Variants in ADGRL3 observed in about 807,000 individuals in gnomAD.
The protein encoded by ADGRL3 is adhesion G protein-coupled receptor L3.
A neutral mutation model predicts 153.5 loss-of-function variants in ADGRL3; 62 were observed. The ratio of observed to expected loss-of-function variants is 0.40; its 90% confidence interval spans 0.33 to 0.50. The LOEUF (loss-of-function observed/expected upper bound fraction) is 0.50. Ranked by LOEUF, ADGRL3 falls within the 20% of genes least tolerant of loss-of-function variation. The pLI is 0.47. For missense variants in ADGRL3, 1,641 were observed against 1,859.4 expected (o/e 0.88, Z 2.16); for synonymous variants, 710 against 672.5 (o/e 1.06, Z -0.86).
chr4:61,348,423 A>C (rs1004941264), intron 1 of ADGRL3, among the ~76,000 whole-genome samples: 1 of 152,002 alleles, frequency 6.6e-6, no homozygotes, highest in Non-Finnish European at 1.5e-5. Context: ...CAATGAGATC[A>C]CGTAATAAAT....
intron 13 of ADGRL3, among the ~76,000 whole-genome samples, chr4:61,915,140 C>A (rs1412728737): frequency 1.3e-5 from 2 of 151,406 alleles, no homozygotes; most frequent in East Asian, 3.9e-4. Context: ...TTTTAATTTG[C>A]ATTTTATTTT....
intron 9 of ADGRL3, among the ~76,000 whole-genome samples, chr4:61,873,690 C>G (rs2098458477): frequency 6.6e-6 from 1 of 152,118 alleles, no homozygotes; most frequent in African/African-American, 2.4e-5. Flanking sequence ...TGCAGTAGCC[C>G]TCTCACTGAA....
At chr4:61,749,152 G>A (rs140766850) in intron 8 of ADGRL3, among the ~76,000 whole-genome samples, 12,757 of 151,130 alleles carry the variant, frequency 0.084, 1,163 homozygotes, top group African/African-American at 0.23. Context: ...AATCAAAACC[G>A]CAATGAGATA....
intron 9 of ADGRL3, among the ~76,000 whole-genome samples, chr4:61,879,557 C>T (rs1416198219): frequency 6.6e-6 from 1 of 152,058 alleles, no homozygotes. Flanking sequence ...TTCATGTTGG[C>T]ACTTAAAAAC....
intron 1 of ADGRL3, among the ~76,000 whole-genome samples, chr4:61,328,012 TG>T (rs2095498445): frequency 6.6e-6 from 1 of 152,124 alleles, no homozygotes; most frequent in Admixed American, 6.6e-5. Context: ...TAGTGTGCAA[TG>T]GAGCATGAGT....
At chr4:61,452,146 G>C (rs928906994) in intron 2 of ADGRL3, among the ~76,000 whole-genome samples, 1 of 152,102 alleles carries the variant, frequency 6.6e-6, no homozygotes, top group African/African-American at 2.4e-5. Context: ...GATGTGATAT[G>C]CTCCAGGTTA....
chr4:61,466,340 G>A (rs1359724245), intron 2 of ADGRL3, among the ~76,000 whole-genome samples: 2 of 152,000 alleles, frequency 1.3e-5, no homozygotes, highest in Non-Finnish European at 2.9e-5. Context: ...TATTAACTCA[G>A]CATACGCTTT....
intron 17 of ADGRL3, among the ~76,000 whole-genome samples, chr4:61,960,188 T>C (rs1404892704): frequency 6.6e-6 from 1 of 152,238 alleles, no homozygotes; most frequent in Non-Finnish European, 1.5e-5. Context: ...CTTCATGCAC[T>C]TATTCAAATT....
chr4:61,560,087 C>T (rs568744354), intron 4 of ADGRL3, among the ~76,000 whole-genome samples: 17 of 152,030 alleles, frequency 1.1e-4, no homozygotes, highest in Admixed American at 2.0e-4. Flanking sequence ...CTTTTCTGAC[C>T]AGAGAGCATT....
intron 2 of ADGRL3, among the ~76,000 whole-genome samples, chr4:61,410,222 A>G (rs1276634003): frequency 6.6e-6 from 1 of 152,118 alleles, no homozygotes; most frequent in East Asian, 1.9e-4. Flanking sequence ...GCATTTGGAG[A>G]TGAGCTAGAT....
At chr4:61,303,797 T>A (rs1016023150) in intron 1 of ADGRL3, among the ~76,000 whole-genome samples, 1 of 152,206 alleles carries the variant, frequency 6.6e-6, no homozygotes, top group African/African-American at 2.4e-5. Flanking sequence ...ACAGTTTGAT[T>A]ACTTCATTCT....
At chr4:61,345,016 TC>T (rs1271736307) in intron 1 of ADGRL3, among the ~76,000 whole-genome samples, 1 of 151,858 alleles carries the variant, frequency 6.6e-6, no homozygotes, top group African/African-American at 2.4e-5. Flanking sequence ...CAGGCTTGTC[TC>T]GAACTCCTGA....
chr4:61,735,985 A>G (rs1171728222), intron 8 of ADGRL3, among the ~76,000 whole-genome samples: 3 of 152,122 alleles, frequency 2.0e-5, no homozygotes, highest in African/African-American at 4.8e-5. Context: ...TATTTTTAGC[A>G]TACATACAAT....
At chr4:61,638,911 C>T (rs780944428) in intron 5 of ADGRL3, among the ~76,000 whole-genome samples, 1 of 152,154 alleles carries the variant, frequency 6.6e-6, no homozygotes, top group Non-Finnish European at 1.5e-5. Flanking sequence ...TCCTGCTTTC[C>T]TCTTCACTTA....
Position 61,747,134 on chromosome 4 carries a change from T to C in ADGRL3, c.1399+13580T>C, listed in dbSNP as rs573734566. Among the ~76,000 whole-genome samples the C allele has an allele frequency of 3.5e-3, 526 of 152,200 alleles. 4 individuals are homozygous for C. The highest frequency in any genetic ancestry group is 6.2e-3 in the Non-Finnish European group (422 of 68,030). On this transcript the variant is annotated intron_variant, in intron 8 of 26. Coordinates refer to ENST00000683033, the MANE Select transcript of ADGRL3 (RefSeq NM_001387552.1). The stretch of plus-strand genomic sequence containing the variant: ...AGAAATGGATAAATTCCTCGACACA[T>C]ACACCCTTCCAAGACTAAACCAGGA...
intron 9 of ADGRL3, among the ~76,000 whole-genome samples, chr4:61,829,983 A>G (rs2097851177): frequency 6.6e-6 from 1 of 151,946 alleles, no homozygotes; most frequent in African/African-American, 2.4e-5. Flanking sequence ...CCAGGGCAAC[A>G]TAACAAGTCT....
chr4:61,777,984 C>A (rs902972747), intron 8 of ADGRL3, among the ~76,000 whole-genome samples: 1 of 152,074 alleles, frequency 6.6e-6, no homozygotes, highest in Admixed American at 6.6e-5. Flanking sequence ...GCATCTCTAA[C>A]GTGAAAATTA....
intron 5 of ADGRL3, among the ~76,000 whole-genome samples, chr4:61,602,176 A>G (rs141238425): frequency 0.011 from 1,650 of 151,820 alleles, 27 homozygotes; most frequent in African/African-American, 0.038. Flanking sequence ...TAATAACCCC[A>G]TCAAGGTTGA....
intron 21 of ADGRL3, among the ~76,000 whole-genome samples, chr4:62,016,865 A>G (rs528668795): frequency 3.3e-5 from 5 of 151,994 alleles, no homozygotes; most frequent in East Asian, 3.9e-4. Flanking sequence ...ATATCCTTTT[A>G]TAGGTTTTTA....
Sources: gnomAD v4.1 joint callset for allele counts (sites outside exome capture counted in the v4.1 genomes callset) on GRCh38, gnomAD v4.1.1 for gene constraint, MANE v1.5 for transcripts, NCBI Gene and HGNC (gene_info 2026-07-23, HGNC 2026-07-21) for gene names.